Variants in TNKS2 observed in about 807,000 individuals in gnomAD.
TNKS2 encodes tankyrase 2, also known as poly [ADP-ribose] polymerase tankyrase-2.
TNKS2 carries 72 observed loss-of-function variants against 137.6 expected under a neutral mutation model. The observed-to-expected ratio is 0.52, with a 90% CI of 0.43 to 0.64. The LOEUF (loss-of-function observed/expected upper bound fraction) is 0.64. Ranked by LOEUF, TNKS2 falls within the 30% of genes least tolerant of loss-of-function variation. TNKS2 has a pLI of 0.00. For missense variants in TNKS2, 1,049 were observed against 1,410.2 expected (o/e 0.74, Z 4.10); for synonymous variants, 516 against 512.1 (o/e 1.01, Z -0.10).
At position 91,798,861 on chromosome 10, in the gene TNKS2, GA is replaced by G; in HGVS notation, c.174del (p.Lys58AsnfsTer16). 1 of 1,364,152 alleles carries G rather than the reference GA, an allele frequency of 7.3e-7. No homozygotes were observed. Among genetic ancestry groups the G allele is most frequent in the Non-Finnish European group, 9.5e-7 (1 of 1,050,416 alleles). The allele number at this position is 1,364,152 out of a possible 1,614,324, so 84.5% of individuals were successfully genotyped here. The stretch of plus-strand genomic sequence containing the variant: ...TGAACAGCCGCGACACGGCGGGCAG[GA>G]AATCCACCCCGCTGCACTTCGCCGC... Reference protein sequence around the residue: ...KVNSRDTAGRKSTPLHFAAGF... With the variant: ...KVNSRDTAGRXSTPLHFAAGF... On this transcript the variant is annotated frameshift_variant, in exon 1 of 27. Transcript: ENST00000371627. LOFTEE classifies it high-confidence loss of function.
At chr10:91,833,753 AGAATT>A in intron 11 of TNKS2, 95 bp from the exon 12 acceptor site, 1 of 984,346 alleles carries the variant, frequency 1.0e-6, no homozygotes. Context: ...GCCTCATAAA[AGAATT>A]GAGACTTAAA....
chr10:91,833,639 A>G (rs557650168), intron 11 of TNKS2, among the ~76,000 whole-genome samples: 36 of 152,332 alleles, frequency 2.4e-4, no homozygotes, highest in African/African-American at 8.2e-4. Context: ...AGCATCTCGC[A>G]TTTAACCCAA....
At chr10:91,799,790 G>C (rs1482817836) in intron 1 of TNKS2, among the ~76,000 whole-genome samples, 1 of 152,210 alleles carries the variant, frequency 6.6e-6, no homozygotes, top group African/African-American at 2.4e-5. Flanking sequence ...CTTCAGGTGA[G>C]TCATGCGTGA....
At chr10:91,815,947 T>C (rs1844678230) in intron 2 of TNKS2, among the ~76,000 whole-genome samples, 1 of 104,428 alleles carries the variant, frequency 9.6e-6, no homozygotes, top group Admixed American at 1.1e-4. Flanking sequence ...CAAGACTTTC[T>C]CTTTTTTTTT....
intron 3 of TNKS2, among the ~76,000 whole-genome samples, chr10:91,818,507 T>G (rs1844782317): frequency 6.6e-6 from 1 of 152,144 alleles, no homozygotes; most frequent in Admixed American, 6.5e-5. Flanking sequence ...TTTGTTTTGT[T>G]TAGGAGTTTG....
At chr10:91,844,314 T>C (rs1487226876) in intron 16 of TNKS2, among the ~76,000 whole-genome samples, 2 of 152,218 alleles carry the variant, frequency 1.3e-5, no homozygotes, top group Non-Finnish European at 2.9e-5. Context: ...TTCTTTTGCT[T>C]TAAATCCTTT....
Position 91,827,565 on chromosome 10 carries a change from C to T in TNKS2, c.982+362C>T, listed in dbSNP as rs567705301. On this transcript the variant is annotated intron_variant, in intron 8 of 26. Coordinates refer to ENST00000371627, the MANE Select transcript of TNKS2 (RefSeq NM_025235.4). ...TGAAGTTAAAGCTTCATAAGATTGC[C>T]ATCTTGTAAACAGTCTCCAGATCTT... Among the ~76,000 whole-genome samples the T allele has an allele frequency of 3.9e-5, 6 of 152,116 alleles. No homozygotes were observed. In the East Asian group the frequency reaches 9.7e-4, roughly 24 times the overall value.
At chr10:91,829,378 A>T (rs747765358) in intron 9 of TNKS2, among the ~76,000 whole-genome samples, 12 of 152,204 alleles carry the variant, frequency 7.9e-5, no homozygotes, top group Non-Finnish European at 1.6e-4. Flanking sequence ...AAACATGGAA[A>T]GACTGACATG....
Position 91,849,534 on chromosome 10 carries a change from A to G in TNKS2, c.2634A>G (p.Ile878Met), listed in dbSNP as rs764650859. 2.5e-6 allele frequency: 4 copies of G among 1,612,022 alleles called. No individual in the cohort carries two copies. The South Asian group carries it at 3.3e-5, about 13-fold the overall frequency. ...CAGTTCCAGGAGTAGATTTTAGCAT[A>G]ACTCAATTCGTAAGGAATCTTGGAC... ...KKEVPGVDFS[I>M]TQFVRNLGLE... Residue 878 changes from isoleucine to methionine, a missense_variant, in exon 20 of 27, where the codon ATA becomes ATG. This residue lies in a region of TNKS2 where 208 missense variants were observed against 231.2 expected (regional missense o/e 0.90). Transcript: ENST00000371627.
intron 16 of TNKS2, 93 bp downstream of exon 16, chr10:91,842,484 T>A: frequency 8.5e-7 from 1 of 1,182,140 alleles, no homozygotes; most frequent in East Asian, 2.5e-5. Flanking sequence ...CTTTAAAAAT[T>A]CAAATCAGGC....
chr10:91,845,630 T>C, intron 17 of TNKS2, 122 bp from the exon 18 acceptor site: 1 of 766,664 alleles, frequency 1.3e-6, no homozygotes, highest in Non-Finnish European at 1.9e-6. Flanking sequence ...AGAAAGAGTT[T>C]TTCTTTTCAT....
At chr10:91,857,787 T>G in intron 24 of TNKS2, among the ~76,000 whole-genome samples, 1 of 152,176 alleles carries the variant, frequency 6.6e-6, no homozygotes, top group East Asian at 1.9e-4. Context: ...TTTCTTTAAA[T>G]AGTAAATTTT....
intron 20 of TNKS2, 46 bp from the exon 21 acceptor site, chr10:91,851,170 C>T (rs1269186366): frequency 1.2e-6 from 2 of 1,602,570 alleles, no homozygotes; most frequent in South Asian, 2.3e-5. Context: ...TATGAATGTC[C>T]ACCAAATAAG....
chr10:91,814,887 T>C (rs575754747), intron 2 of TNKS2, among the ~76,000 whole-genome samples: 5 of 152,280 alleles, frequency 3.3e-5, no homozygotes, highest in Non-Finnish European at 1.5e-5. Flanking sequence ...CATGACTGTA[T>C]TTTATGAAGA....
At chr10:91,812,535 A>T (rs1037697297) in intron 1 of TNKS2, among the ~76,000 whole-genome samples, 1 of 152,222 alleles carries the variant, frequency 6.6e-6, no homozygotes, top group African/African-American at 2.4e-5. Flanking sequence ...AGTTTAGCAG[A>T]AACATTCTGT....
intron 19 of TNKS2, among the ~76,000 whole-genome samples, chr10:91,848,884 T>G (rs1184347320): frequency 6.6e-6 from 1 of 152,230 alleles, no homozygotes; most frequent in Non-Finnish European, 1.5e-5. Flanking sequence ...TCGCCCAGAC[T>G]GGAGTGCAGT....
At chr10:91,816,689 T>TC (rs1303094928) in intron 2 of TNKS2, among the ~76,000 whole-genome samples, 2 of 151,880 alleles carry the variant, frequency 1.3e-5, no homozygotes, top group Non-Finnish European at 2.9e-5. Context: ...TGATTTTCTT[T>TC]TTTTTTTTTC....
intron 12 of TNKS2, among the ~76,000 whole-genome samples, chr10:91,835,181 G>A (rs1841961558): frequency 1.4e-5 from 2 of 143,630 alleles, no homozygotes; most frequent in Admixed American, 1.4e-4. Context: ...TTTCCTCTCT[G>A]CCTACTAGCA....
At position 91,827,708 on chromosome 10, in the gene TNKS2, C is replaced by G. The variant is rs114549935; in HGVS notation, c.982+505C>G. ...GGTATTAGTGCATACAAGTAAGCAA[C>G]TTATATTGGATTTATATTATCCTGG... On this transcript the variant is annotated intron_variant, in intron 8 of 26. Coordinates refer to ENST00000371627, the MANE Select transcript of TNKS2 (RefSeq NM_025235.4). 3.0e-3 allele frequency among the ~76,000 whole-genome samples: 462 copies of G among 152,242 alleles called. 1 individual carries two copies. The highest frequency in any genetic ancestry group is 0.01 in the African/African-American group (432 of 41,542).
Sources: allele counts gnomAD v4.1 joint callset (sites outside exome capture counted in the v4.1 genomes callset), GRCh38; gene constraint gnomAD v4.1.1; regional missense constraint gnomAD v4.1.1; transcripts MANE v1.5; gene names NCBI Gene and HGNC (gene_info 2026-07-23, HGNC 2026-07-21).